ENTREP2: variants seen among roughly 807,000 people sequenced by gnomAD.
The protein encoded by ENTREP2 is endosomal transmembrane epsin interactor 2.
chr15:29,138,086 T>A, the ENTREP2 span, among the ~76,000 whole-genome samples: 3 of 152,104 alleles, frequency 2.0e-5, no homozygotes, highest in African/African-American at 7.2e-5. Context: ...CTCAAATATT[T>A]CATAATGGGC....
the ENTREP2 span, among the ~76,000 whole-genome samples, chr15:29,529,360 T>C: frequency 2.6e-5 from 4 of 151,370 alleles, no homozygotes; most frequent in East Asian, 3.9e-4. Flanking sequence ...AGTTTGAGGA[T>C]GATTGGTGCC....
the ENTREP2 span, among the ~76,000 whole-genome samples, chr15:29,395,063 T>C: frequency 9.8e-6 from 1 of 101,744 alleles, no homozygotes. Context: ...CTTTTTTTTG[T>C]ATTTTTAGTA....
chr15:29,128,560 T>G, the ENTREP2 span, among the ~76,000 whole-genome samples: 6 of 151,920 alleles, frequency 3.9e-5, no homozygotes, highest in South Asian at 2.1e-4. Flanking sequence ...GCGCAGGAGA[T>G]CTCCTGCATA....
chr15:29,246,114 G>A, the ENTREP2 span, among the ~76,000 whole-genome samples: 2 of 152,248 alleles, frequency 1.3e-5, no homozygotes, highest in East Asian at 1.9e-4. Context: ...CTATTCAATC[G>A]GGCACAGTGG....
chr15:29,268,303 C>G, the ENTREP2 span: 2 of 152,776 alleles, frequency 1.3e-5, no homozygotes, highest in African/African-American at 4.8e-5. Flanking sequence ...TGCTTGGAAC[C>G]ATGAATAATA....
the ENTREP2 span, among the ~76,000 whole-genome samples, chr15:29,617,074 A>G: frequency 9.2e-5 from 14 of 152,264 alleles, no homozygotes; most frequent in African/African-American, 3.4e-4. Flanking sequence ...TATAATAAAA[A>G]TAAATAAATA....
the ENTREP2 span, among the ~76,000 whole-genome samples, chr15:29,238,769 A>G: frequency 0.35 from 53,842 of 152,086 alleles, 10,169 homozygotes; most frequent in East Asian, 0.59. Flanking sequence ...CACGTCTTAC[A>G]TGGCCAGAGC....
At chr15:29,235,050 G>A in the ENTREP2 span, 1 of 1,149,458 alleles carries the variant, frequency 8.7e-7, no homozygotes, top group Non-Finnish European at 1.3e-6. Flanking sequence ...CCCAGGTAGT[G>A]GCCCCACAGC....
At chr15:29,381,072 C>T in the ENTREP2 span, among the ~76,000 whole-genome samples, 24,279 of 150,762 alleles carry the variant, frequency 0.16, 2,069 homozygotes, top group South Asian at 0.28. Context: ...AGGCTGGTCT[C>T]GAGCTCCTGA....
At chr15:29,394,140 T>C in the ENTREP2 span, among the ~76,000 whole-genome samples, 3 of 152,194 alleles carry the variant, frequency 2.0e-5, no homozygotes, top group African/African-American at 7.2e-5. Flanking sequence ...GGAAGGAAGA[T>C]TTTTAGTAAA....
the ENTREP2 span, among the ~76,000 whole-genome samples, chr15:29,248,705 T>A: frequency 6.6e-6 from 1 of 152,176 alleles, no homozygotes; most frequent in African/African-American, 2.4e-5. Context: ...TGAAATCATC[T>A]TATATCTTTC....
chr15:29,360,485 C>A, the ENTREP2 span, among the ~76,000 whole-genome samples: 1 of 152,146 alleles, frequency 6.6e-6, no homozygotes, highest in Non-Finnish European at 1.5e-5. Flanking sequence ...TTCCTGTGAA[C>A]TATAGATTAA....
chr15:29,427,141 G>C, the ENTREP2 span, among the ~76,000 whole-genome samples: 1 of 152,146 alleles, frequency 6.6e-6, no homozygotes, highest in African/African-American at 2.4e-5. Flanking sequence ...GTATGTGTAT[G>C]TCTTTATAAA....
chr15:29,315,516 T>C, the ENTREP2 span, among the ~76,000 whole-genome samples: 2 of 152,072 alleles, frequency 1.3e-5, no homozygotes, highest in Non-Finnish European at 2.9e-5. Context: ...GATGGCCATA[T>C]GGAAAAAGAA....
At chr15:29,333,896 CGAG>C in the ENTREP2 span, among the ~76,000 whole-genome samples, 3 of 151,854 alleles carry the variant, frequency 2.0e-5, no homozygotes, top group Non-Finnish European at 4.4e-5. Flanking sequence ...GACATGAACA[CGAG>C]GAGAACGCCA....
the ENTREP2 span, among the ~76,000 whole-genome samples, chr15:29,365,763 T>G: frequency 2.0e-5 from 3 of 151,006 alleles, no homozygotes; most frequent in South Asian, 6.5e-4. Context: ...CTGAATCTAA[T>G]AAAGGTGCTT....
At chr15:29,177,604 G>C in the ENTREP2 span, among the ~76,000 whole-genome samples, 1 of 152,160 alleles carries the variant, frequency 6.6e-6, no homozygotes, top group Non-Finnish European at 1.5e-5. Context: ...CTGCACCCAC[G>C]AAACTCAGTC....
At chr15:29,674,133 G>A in the ENTREP2 span, among the ~76,000 whole-genome samples, 1 of 148,690 alleles carries the variant, frequency 6.7e-6, no homozygotes, top group Non-Finnish European at 1.5e-5. Context: ...GAGGATGGGG[G>A]GGGGGGGGGG....
At chr15:29,543,124 C>T in the ENTREP2 span, among the ~76,000 whole-genome samples, 1 of 147,730 alleles carries the variant, frequency 6.8e-6, no homozygotes, top group African/African-American at 2.6e-5. Flanking sequence ...TACATGTTAA[C>T]TTCTTGCTTT....
Sources: gnomAD v4.1 joint callset for allele counts (sites outside exome capture counted in the v4.1 genomes callset) on GRCh38, gnomAD v4.1.1 for gene constraint, MANE v1.5 for transcripts, NCBI Gene and HGNC (gene_info 2026-07-23, HGNC 2026-07-21) for gene names.